Variants in CLPB observed in about 807,000 individuals in gnomAD.
The protein encoded by CLPB is ClpB family mitochondrial disaggregase.
In CLPB, 40 loss-of-function variants were observed where a neutral mutation model predicts 78.4. That is an observed-to-expected ratio of 0.51 (90% confidence interval 0.40 to 0.66). CLPB has a LOEUF of 0.66. Among genes scored for constraint, CLPB ranks in the 30% least tolerant of loss-of-function variants. The probability of loss-of-function intolerance (pLI) is 0.00; values close to 1 mark genes in which losing one functional copy is unlikely to be tolerated. For synonymous variants in CLPB, 333 were observed against 348.0 expected (o/e 0.96, Z 0.48); for missense variants, 780 against 886.9 (o/e 0.88, Z 1.53).
chr11:72,396,253 C>T (rs1429777586), intron 3 of CLPB, among the ~76,000 whole-genome samples: 2 of 152,052 alleles, frequency 1.3e-5, no homozygotes, highest in South Asian at 2.1e-4. Flanking sequence ...CCAGTCCTTC[C>T]GACACTGATG....
intron 1 of CLPB, chr11:72,430,572 A>G (rs1856515843): frequency 1.8e-6 from 1 of 564,860 alleles, no homozygotes; most frequent in Non-Finnish European, 3.2e-6. Flanking sequence ...TTTCTACTAC[A>G]GAGCCCAAAC....
intron 3 of CLPB, among the ~76,000 whole-genome samples, chr11:72,388,658 T>TGTC (rs1410404627): frequency 6.6e-6 from 1 of 152,156 alleles, no homozygotes; most frequent in African/African-American, 2.4e-5. Context: ...GTCAAACACC[T>TGTC]TGACATATGG....
At chr11:72,309,381 T>C (rs1949803462) in intron 7 of CLPB, among the ~76,000 whole-genome samples, 1 of 152,180 alleles carries the variant, frequency 6.6e-6, no homozygotes, top group Non-Finnish European at 1.5e-5. Flanking sequence ...TGCTTAATTA[T>C]GGAGTAGGAG....
At chr11:72,300,392 G>A (rs182114903) in intron 11 of CLPB, among the ~76,000 whole-genome samples, 3 of 152,260 alleles carry the variant, frequency 2.0e-5, no homozygotes, top group Admixed American at 6.5e-5. Flanking sequence ...GGGCACATTC[G>A]GGTCTGGTCA....
chr11:72,370,569 G>C (rs1412215461), intron 4 of CLPB, among the ~76,000 whole-genome samples: 2 of 152,128 alleles, frequency 1.3e-5, no homozygotes, highest in Non-Finnish European at 2.9e-5. Flanking sequence ...ACAGCTTTTG[G>C]CCTGGCAGAT....
rs146721061 is a variant in CLPB at position 72,301,812 on chromosome 11, C to G, written c.1320G>C (p.Leu440=). 4 of 1,613,864 alleles carry G rather than the reference C, an allele frequency of 2.5e-6. No individual in the cohort carries two copies. The African/African-American group carries it at 5.3e-5, about 22-fold the overall frequency. The change falls in exon 11 of 16, where the codon CTG becomes CTC. Residue 440 remains leucine, a synonymous_variant. Coordinates refer to ENST00000538039, the MANE Select transcript of CLPB (RefSeq NM_001258392.3). ...GCCCAAGGTGACTCACCTCATCAAA[C>G]AGCTGCAGCATGATGGTGAGCACAT... is the stretch of plus-strand genomic sequence containing the variant. ...HPDVLTIMLQ[L]FDEGRLTDGK... is the part of the protein sequence containing the mutation.
At chr11:72,423,700 C>G (rs919649736) in intron 2 of CLPB, among the ~76,000 whole-genome samples, 10 of 152,256 alleles carry the variant, frequency 6.6e-5, no homozygotes, top group African/African-American at 2.4e-4. Context: ...CATACACATA[C>G]TGGCTGAAAA....
intron 4 of CLPB, among the ~76,000 whole-genome samples, chr11:72,362,935 C>G (rs1309917684): frequency 6.6e-6 from 1 of 152,110 alleles, no homozygotes; most frequent in African/African-American, 2.4e-5. Context: ...GCGGGCAGAT[C>G]GCTTGAGCTC....
At chr11:72,347,936 G>A (rs1950545243) in intron 5 of CLPB, among the ~76,000 whole-genome samples, 1 of 152,162 alleles carries the variant, frequency 6.6e-6, no homozygotes. Context: ...AGGATGGATG[G>A]CAACTGCATG....
chr11:72,305,039 G>C (rs1949721585), intron 9 of CLPB, among the ~76,000 whole-genome samples: 1 of 152,170 alleles, frequency 6.6e-6, no homozygotes, highest in Non-Finnish European at 1.5e-5. Flanking sequence ...GCACAGGCAG[G>C]AGTTTCATAG....
chr11:72,305,468 G>C (rs1020858276), intron 9 of CLPB, among the ~76,000 whole-genome samples: 1 of 152,204 alleles, frequency 6.6e-6, no homozygotes, highest in East Asian at 1.9e-4. Flanking sequence ...ACACAGCATC[G>C]TCACTTGATG....
chr11:72,430,524 C>T, intron 1 of CLPB, 161 bp from the exon 2 acceptor site: 1 of 614,216 alleles, frequency 1.6e-6, no homozygotes, highest in Non-Finnish European at 2.9e-6. Flanking sequence ...ATTCCCTCCC[C>T]ACATGGTGTC....
In CLPB at chr11:72,421,130, T is replaced by C. The variant is rs114253564; in HGVS notation, c.455+9182A>G. Among the ~76,000 whole-genome samples the C allele has an allele frequency of 2.8e-3, 429 of 152,282 alleles. 1 individual carries two copies. The highest frequency in any genetic ancestry group is 9.6e-3 in the African/African-American group (397 of 41,560). On this transcript the variant is annotated intron_variant, in intron 2 of 15. Coordinates refer to ENST00000538039, the MANE Select transcript of CLPB (RefSeq NM_001258392.3). ...TTTTTTGCAGGGTACATGAATGACA[T>C]ACCTAGTCAAACCAATCCCTTGAGT...
intron 2 of CLPB, chr11:72,410,703 TA>T (rs1487967592): frequency 6.6e-6 from 1 of 152,198 alleles, no homozygotes; most frequent in Non-Finnish European, 1.5e-5. Flanking sequence ...GAAGGTTCCC[TA>T]GCCCAAGAGC....
chr11:72,317,399 C>T (rs554315435), intron 6 of CLPB, among the ~76,000 whole-genome samples, 179 bp from the exon 7 acceptor site: 1 of 152,296 alleles, frequency 6.6e-6, no homozygotes, highest in East Asian at 1.9e-4. Context: ...AGGTGGCTGC[C>T]GCTCAGGGGT....
chr11:72,376,652 ATT>A (rs35156663), intron 4 of CLPB, among the ~76,000 whole-genome samples: 2 of 150,650 alleles, frequency 1.3e-5, no homozygotes, highest in East Asian at 2.0e-4. Flanking sequence ...TATTATTATT[ATT>A]TTTTTTTAAC....
At chr11:72,381,405 T>C (rs76915961) in intron 3 of CLPB, among the ~76,000 whole-genome samples, 12,757 of 151,404 alleles carry the variant, frequency 0.084, 835 homozygotes, top group African/African-American at 0.19. Flanking sequence ...CCAGATCTGC[T>C]TCCTAGCCAG....
chr11:72,321,941 G>T (rs1950051348), intron 6 of CLPB, among the ~76,000 whole-genome samples: 1 of 151,462 alleles, frequency 6.6e-6, no homozygotes, highest in Non-Finnish European at 1.5e-5. Flanking sequence ...GTCAACAAAG[G>T]GAACAAGGGG....
At chr11:72,349,185 G>A (rs934411868) in intron 5 of CLPB, among the ~76,000 whole-genome samples, 4 of 152,214 alleles carry the variant, frequency 2.6e-5, no homozygotes, top group Non-Finnish European at 4.4e-5. Flanking sequence ...TACGGATAAG[G>A]AAATTGAAGC....
Sources: allele counts gnomAD v4.1 joint callset (sites outside exome capture counted in the v4.1 genomes callset), GRCh38; gene constraint gnomAD v4.1.1; transcripts MANE v1.5; gene names NCBI Gene and HGNC (gene_info 2026-07-23, HGNC 2026-07-21).